TRAK1: variants seen among roughly 807,000 people sequenced by gnomAD.
TRAK1 encodes the protein trafficking kinesin-binding protein 1.
In TRAK1, 33 loss-of-function variants were observed where a neutral mutation model predicts 92.1. That is an observed-to-expected ratio of 0.36 (90% CI 0.27 to 0.48). The LOEUF (loss-of-function observed/expected upper bound fraction) is 0.48, where lower values mean the gene tolerates loss of function less well. Ranked by LOEUF, TRAK1 falls within the 20% of genes least tolerant of loss-of-function variation. The probability of loss-of-function intolerance (pLI) is 0.99; values close to 1 mark genes in which losing one functional copy is unlikely to be tolerated. For synonymous variants in TRAK1, 521 were observed against 517.3 expected, an observed-to-expected ratio of 1.01 and a Z score of -0.10; for missense variants, 1,123 against 1,257.9, an observed-to-expected ratio of 0.89 and a Z score of 1.62.
At chr3:42,212,245 C>G (rs1198442028) in intron 14 of TRAK1, 1 of 985,274 alleles carries the variant, frequency 1.0e-6, no homozygotes, top group Non-Finnish European at 1.2e-6. Flanking sequence ...CCATGGTGGT[C>G]TGGTCCCTGC....
chr3:42,161,906 T>C (rs1471893938), intron 2 of TRAK1, among the ~76,000 whole-genome samples: 1 of 152,220 alleles, frequency 6.6e-6, no homozygotes, highest in East Asian at 1.9e-4. Flanking sequence ...TCTGCCCTTG[T>C]AGAACTAGGG....
chr3:42,167,154 G>C (rs753907863), intron 2 of TRAK1, among the ~76,000 whole-genome samples: 12 of 152,208 alleles, frequency 7.9e-5, no homozygotes, highest in Non-Finnish European at 1.6e-4. Context: ...ACTTGTGGCC[G>C]GGATAGACTC....
chr3:42,033,081 A>T (rs902180247), intron 1 of TRAK1, among the ~76,000 whole-genome samples: 2 of 152,232 alleles, frequency 1.3e-5, no homozygotes, highest in Non-Finnish European at 2.9e-5. Context: ...GTATTAGCAC[A>T]TCACATTCCC....
chr3:42,050,113 G>A (rs1193528009), intron 1 of TRAK1, among the ~76,000 whole-genome samples: 2 of 151,930 alleles, frequency 1.3e-5, no homozygotes, highest in Non-Finnish European at 2.9e-5. Flanking sequence ...GGTTTGCCCA[G>A]AGGGGAGCCC....
intron 12 of TRAK1, among the ~76,000 whole-genome samples, chr3:42,201,387 GA>G (rs1483222583): frequency 6.6e-6 from 1 of 151,986 alleles, no homozygotes; most frequent in Non-Finnish European, 1.5e-5. Flanking sequence ...TTGAACCCGG[GA>G]GGTGGAGGTT....
intron 1 of TRAK1, among the ~76,000 whole-genome samples, chr3:42,074,851 G>A (rs749122829): frequency 2.0e-5 from 3 of 151,952 alleles, no homozygotes; most frequent in Non-Finnish European, 4.4e-5. Flanking sequence ...CTCCTCCTAC[G>A]CTCCACCTTC....
chr3:42,210,587 A>G, intron 14 of TRAK1: 2 of 1,058,168 alleles, frequency 1.9e-6, no homozygotes, highest in Non-Finnish European at 2.3e-6. Flanking sequence ...AAATGAGATC[A>G]TCTGTTACCT....
At position 42,125,445 on chromosome 3, in the gene TRAK1, G is replaced by A. The variant is rs149366200; in HGVS notation, c.117G>A (p.Pro39=). ...ACDVCNSTDL[P]EVEIISLLEE... ...ATGTGTGCAACAGCACCGATCTTCC[G>A]GAAGTCGAGATCATTAGCCTGCTGG... The change falls in exon 2 of 16, where the codon CCG becomes CCA. Residue 39 remains proline, a synonymous_variant. Transcript: ENST00000327628. The A allele has an allele frequency of 2.1e-4, 342 of 1,614,112 alleles. 2 individuals carry two copies. In the East Asian group the frequency reaches 6.6e-3, roughly 31 times the overall value.
upstream of TRAK1, chr3:42,087,055 G>C (rs1336895646): frequency 6.6e-6 from 1 of 152,254 alleles, no homozygotes; most frequent in Admixed American, 6.5e-5. Context: ...GATTGTCCAG[G>C]TTTATCGATA....
At chr3:42,101,992 T>C (rs980466679) in intron 1 of TRAK1, among the ~76,000 whole-genome samples, 1 of 152,202 alleles carries the variant, frequency 6.6e-6, no homozygotes, top group African/African-American at 2.4e-5. Context: ...CGTACTTATT[T>C]ATTTATTTTT....
At chr3:42,217,544 G>T (rs1044056967) in intron 14 of TRAK1, 2 of 985,282 alleles carry the variant, frequency 2.0e-6, no homozygotes, top group Non-Finnish European at 2.4e-6. Flanking sequence ...GATCCAATAT[G>T]TAAGAGGGTG....
At chr3:42,192,514 G>GTCAAAGTACTATTTTGCATTTCA (rs1478614634) in intron 7 of TRAK1, among the ~76,000 whole-genome samples, 4 of 151,146 alleles carry the variant, frequency 2.6e-5, no homozygotes, top group Non-Finnish European at 5.9e-5. Context: ...TTTGCATTTC[G>GTCAAAGTACTATTTTGCATTTCA]TCAAAGTACT....
At chr3:42,218,230 A>G in intron 14 of TRAK1, 1 of 985,414 alleles carries the variant, frequency 1.0e-6, no homozygotes, top group Non-Finnish European at 1.2e-6. Flanking sequence ...TTTAAGACAT[A>G]GTCAACTGTG....
intron 1 of TRAK1, among the ~76,000 whole-genome samples, chr3:42,030,735 T>G (rs1286191270): frequency 8.1e-6 from 1 of 122,784 alleles, no homozygotes; most frequent in Non-Finnish European, 1.6e-5. Flanking sequence ...TATATATATA[T>G]ATATATGTAA....
chr3:42,014,156 C>T (rs964946885), intron 1 of TRAK1: 1 of 152,268 alleles, frequency 6.6e-6, no homozygotes, highest in Admixed American at 6.5e-5. Context: ...GCCTGCGCCT[C>T]GGGCCCAGGG....
At position 42,225,574 on chromosome 3, in the gene TRAK1, CAG is replaced by C. The variant is rs1282480187; in HGVS notation, c.*1845_*1846del. 3 of 152,122 alleles carry C rather than the reference CAG, an allele frequency of 2.0e-5. No homozygotes were observed. Among genetic ancestry groups the C allele is most frequent in the Non-Finnish European group, 2.9e-5 (2 of 68,038 alleles). The allele number at this position is 152,122 out of a possible 1,614,324, so 9.4% of individuals were successfully genotyped here. On this transcript the variant is annotated 3_prime_UTR_variant, in exon 16 of 16. Transcript: ENST00000327628. ...GACTGAATGGACCATTTTATGTATT[CAG>C]AGAGAGAAGCCACTCATCATTGCCA...
intron 1 of TRAK1, among the ~76,000 whole-genome samples, chr3:42,121,687 A>G (rs1234355618): frequency 6.6e-6 from 1 of 152,204 alleles, no homozygotes; most frequent in Non-Finnish European, 1.5e-5. Context: ...CCTTGTGGCC[A>G]AGGTTAAGGA....
chr3:42,114,281 A>C (rs1708878597), intron 1 of TRAK1, among the ~76,000 whole-genome samples: 1 of 152,224 alleles, frequency 6.6e-6, no homozygotes. Context: ...GGGTGTATAA[A>C]TATCTGTTTG....
At chr3:42,065,194 G>A (rs1703627731) in intron 1 of TRAK1, among the ~76,000 whole-genome samples, 1 of 152,162 alleles carries the variant, frequency 6.6e-6, no homozygotes, top group South Asian at 2.1e-4. Context: ...GGAGGTTGCA[G>A]TGAGCCAAGA....
Sources: allele counts gnomAD v4.1 joint callset (sites outside exome capture counted in the v4.1 genomes callset), GRCh38; gene constraint gnomAD v4.1.1; transcripts MANE v1.5; gene names NCBI Gene and HGNC (gene_info 2026-07-23, HGNC 2026-07-21).